Variants in CAST observed in about 807,000 individuals in gnomAD.
The protein encoded by CAST is calpastatin, also known as MIR583 host.
A neutral mutation model predicts 119.6 loss-of-function variants in CAST; 76 were observed. That is an observed-to-expected ratio of 0.64 (90% CI 0.53 to 0.77). The LOEUF (loss-of-function observed/expected upper bound fraction) is 0.77, where lower values mean the gene tolerates loss of function less well. Ranked by LOEUF, CAST falls within the 30% of genes least tolerant of loss-of-function variation. The pLI, the probability that CAST is intolerant of heterozygous loss-of-function variation, is 0.00. For synonymous variants in CAST, 319 were observed against 331.6 expected, an observed-to-expected ratio of 0.96 and a Z score of 0.41; for missense variants, 953 against 946.5, an observed-to-expected ratio of 1.01 and a Z score of -0.09.
chr5:96,002,125 A>C, the CAST span, among the ~76,000 whole-genome samples: 2 of 152,244 alleles, frequency 1.3e-5, no homozygotes, highest in African/African-American at 4.8e-5. Flanking sequence ...CAAATGTACC[A>C]TTTAGGAGCA....
At chr5:96,684,261 A>G (rs942648598) in intron 2 of CAST, among the ~76,000 whole-genome samples, 1 of 152,188 alleles carries the variant, frequency 6.6e-6, no homozygotes, top group Admixed American at 6.5e-5. Context: ...GGGACATATG[A>G]GGTGCTCTAT....
the CAST span, among the ~76,000 whole-genome samples, chr5:96,351,273 A>G: frequency 6.6e-6 from 1 of 152,136 alleles, no homozygotes; most frequent in African/African-American, 2.4e-5. Flanking sequence ...AAAAATTTGT[A>G]TTTATCTGAC....
intron 1 of CAST, among the ~76,000 whole-genome samples, chr5:96,614,469 T>C (rs1302294632): frequency 1.3e-5 from 2 of 152,174 alleles, no homozygotes; most frequent in Non-Finnish European, 2.9e-5. Context: ...ATGAAAACTG[T>C]TTTCCATGGG....
At chr5:95,962,007 G>A in the CAST span, 1 of 412,962 alleles carries the variant, frequency 2.4e-6, no homozygotes, top group East Asian at 3.6e-5. Flanking sequence ...AGTCACTAGA[G>A]TTTTGCTCCT....
chr5:96,763,296 C>T lies in CAST; in HGVS notation c.1932+924C>T, dbSNP rs551702619. 20 of 779,850 alleles carry T rather than the reference C, an allele frequency of 2.6e-5. No homozygotes were observed. The African/African-American group carries it at 2.9e-4, about 11-fold the overall frequency. The allele number at this position is 779,850 out of a possible 1,614,324, so 48.3% of individuals were successfully genotyped here. A position where few individuals can be genotyped will look rare whatever the true frequency, so the allele number is the denominator to read the frequency against. Reference sequence around the variant, plus strand: ...CCCCGGGCAGCTCTACCATTAGCAGCTATAATCCTGGATTATAATAAAGCA... The same window carrying T: ...CCCCGGGCAGCTCTACCATTAGCAGTTATAATCCTGGATTATAATAAAGCA... On this transcript the variant is annotated intron_variant, in intron 25 of 31. Coordinates refer to ENST00000675179, the MANE Select transcript of CAST (RefSeq NM_001750.7).
At chr5:96,377,132 A>G in the CAST span, among the ~76,000 whole-genome samples, 1 of 152,194 alleles carries the variant, frequency 6.6e-6, no homozygotes, top group Non-Finnish European at 1.5e-5. Context: ...CAAAAGAGCC[A>G]AATAAAACAG....
the CAST span, among the ~76,000 whole-genome samples, chr5:95,974,125 A>G: frequency 5.9e-5 from 9 of 152,184 alleles, no homozygotes; most frequent in Non-Finnish European, 1.2e-4. Context: ...CAACTCTTAC[A>G]GGCCCCATCA....
intron 2 of CAST, among the ~76,000 whole-genome samples, chr5:96,678,449 A>G (rs1421488413): frequency 6.6e-6 from 1 of 152,202 alleles, no homozygotes; most frequent in Non-Finnish European, 1.5e-5. Context: ...TTTCTATTAG[A>G]GATGCCAGAA....
chr5:96,518,983 C>T, the CAST span, among the ~76,000 whole-genome samples: 1 of 152,296 alleles, frequency 6.6e-6, no homozygotes, highest in Admixed American at 6.5e-5. Flanking sequence ...ATTGCTTAAA[C>T]CCGGGAGGCA....
the CAST span, among the ~76,000 whole-genome samples, chr5:96,253,542 G>C: frequency 6.6e-6 from 1 of 152,082 alleles, no homozygotes; most frequent in Non-Finnish European, 1.5e-5. Flanking sequence ...TTAATGGCTT[G>C]TGTTATTCAC....
chr5:96,623,350 G>A (rs966817899), intron 1 of CAST, among the ~76,000 whole-genome samples: 2 of 152,168 alleles, frequency 1.3e-5, no homozygotes, highest in Admixed American at 6.5e-5. Flanking sequence ...ACATGGGCAT[G>A]AGCATGGAGC....
At chr5:96,042,856 C>T in the CAST span, among the ~76,000 whole-genome samples, 5 of 152,208 alleles carry the variant, frequency 3.3e-5, no homozygotes, top group East Asian at 9.6e-4. Context: ...TGCAGAGGTT[C>T]AAGCTCAGTG....
chr5:96,706,292 C>A (rs1437443990), intron 3 of CAST, among the ~76,000 whole-genome samples: 1 of 152,122 alleles, frequency 6.6e-6, no homozygotes, highest in Non-Finnish European at 1.5e-5. Flanking sequence ...AATATATGAG[C>A]AAGGAACCCT....
the CAST span, among the ~76,000 whole-genome samples, chr5:96,271,610 T>C: frequency 6.6e-6 from 1 of 150,512 alleles, no homozygotes; most frequent in Non-Finnish European, 1.5e-5. Flanking sequence ...TAAAAATGGA[T>C]TAAAGACTTA....
the CAST span, among the ~76,000 whole-genome samples, chr5:96,279,859 T>C: frequency 8.5e-5 from 13 of 152,348 alleles, no homozygotes; most frequent in East Asian, 2.5e-3. Flanking sequence ...CCAAGTTCAG[T>C]GGTCCTAGAC....
At chr5:96,013,210 C>CCTTG in the CAST span, among the ~76,000 whole-genome samples, 2 of 148,640 alleles carry the variant, frequency 1.3e-5, no homozygotes, top group Non-Finnish European at 3.0e-5. Flanking sequence ...TTTTTTTGCT[C>CCTTG]CAAGCCCTGT....
intron 1 of CAST, among the ~76,000 whole-genome samples, chr5:96,632,734 A>C (rs1747838091): frequency 6.6e-6 from 1 of 151,790 alleles, no homozygotes; most frequent in Non-Finnish European, 1.5e-5. Context: ...TGTCAAAATC[A>C]ATTGACCATA....
chr5:96,463,569 T>C, the CAST span, among the ~76,000 whole-genome samples: 21 of 152,222 alleles, frequency 1.4e-4, no homozygotes, highest in African/African-American at 4.8e-4. Flanking sequence ...TGAAAGTATT[T>C]TCTTAAAAAT....
At chr5:96,588,871 T>G (rs1746911192) in intron 1 of CAST, among the ~76,000 whole-genome samples, 1 of 152,216 alleles carries the variant, frequency 6.6e-6, no homozygotes, top group African/African-American at 2.4e-5. Flanking sequence ...CCACCTACAT[T>G]TTTTAGTTCT....
Sources: allele counts gnomAD v4.1 joint callset (sites outside exome capture counted in the v4.1 genomes callset), GRCh38; gene constraint gnomAD v4.1.1; transcripts MANE v1.5; gene names NCBI Gene and HGNC (gene_info 2026-07-23, HGNC 2026-07-21).